SMOC1: variants seen among roughly 807,000 people sequenced by gnomAD.
SMOC1 encodes SPARC-related modular calcium-binding protein 1.
SMOC1 carries 22 observed loss-of-function variants against 56.3 expected under a neutral mutation model. The ratio of observed to expected loss-of-function variants is 0.39; its 90% CI spans 0.28 to 0.56. The LOEUF (loss-of-function observed/expected upper bound fraction) is 0.56. Among genes scored for constraint, SMOC1 ranks in the 20% least tolerant of loss-of-function variants. The pLI, the probability that SMOC1 is intolerant of heterozygous loss-of-function variation, is 0.61. For missense variants in SMOC1, 509 were observed against 565.4 expected, an observed-to-expected ratio of 0.90 and a Z score of 1.01; for synonymous variants, 193 against 215.0, an observed-to-expected ratio of 0.90 and a Z score of 0.89.
chr14:69,977,828 C>A, intron 4 of SMOC1, 90 bp from the exon 5 acceptor site: 3 of 953,584 alleles, frequency 3.1e-6, no homozygotes, highest in Non-Finnish European at 5.2e-6. Flanking sequence ...TGACCATATG[C>A]TCATAACATC....
chr14:69,986,644 G>A (rs959449043), intron 5 of SMOC1, among the ~76,000 whole-genome samples: 3 of 152,078 alleles, frequency 2.0e-5, no homozygotes, highest in Non-Finnish European at 4.4e-5. Flanking sequence ...AACATTAGCC[G>A]AGTCTTCTGT....
At chr14:69,992,728 A>G (rs1436596636) in intron 6 of SMOC1, among the ~76,000 whole-genome samples, 2 of 152,128 alleles carry the variant, frequency 1.3e-5, no homozygotes, top group East Asian at 1.9e-4. Context: ...TCCAACAATA[A>G]CACAGCCTGG....
At chr14:70,025,222 T>C (rs986880461) in intron 11 of SMOC1, among the ~76,000 whole-genome samples, 2 of 152,198 alleles carry the variant, frequency 1.3e-5, no homozygotes, top group Non-Finnish European at 2.9e-5. Context: ...TGCCGACTTA[T>C]TTGAAATGGA....
At position 69,898,150 on chromosome 14, in the gene SMOC1, C is replaced by T. The variant is rs183082846; in HGVS notation, c.99+18373C>T. ...TTCTGAGGATAAGTTGGATATAATT[C>T]TTATCTTTGCTCTTCTATACATAAG... is the stretch of plus-strand genomic sequence containing the variant. On this transcript the variant is annotated intron_variant, in intron 1 of 11. Transcript: ENST00000361956. 3.5e-3 allele frequency among the ~76,000 whole-genome samples: 527 copies of T among 152,250 alleles called. 1 individual carries two copies. Among genetic ancestry groups the T allele is most frequent in the African/African-American group, 0.012 (500 of 41,570 alleles).
chr14:69,964,440 C>T (rs1029143796), intron 3 of SMOC1, among the ~76,000 whole-genome samples: 11 of 150,544 alleles, frequency 7.3e-5, no homozygotes, highest in East Asian at 3.9e-4. Context: ...TGTAGTGGCG[C>T]GATCTTGGCT....
chr14:69,957,168 A>G (rs926706676), intron 3 of SMOC1, among the ~76,000 whole-genome samples: 3 of 152,174 alleles, frequency 2.0e-5, no homozygotes, highest in African/African-American at 4.8e-5. Context: ...CTGGTGCCCA[A>G]GCTGATTAAC....
chr14:69,893,076 C>T (rs1418870022), intron 1 of SMOC1, among the ~76,000 whole-genome samples: 1 of 152,176 alleles, frequency 6.6e-6, no homozygotes, highest in Non-Finnish European at 1.5e-5. Context: ...TTGCTGCCTG[C>T]ATTTCTTTTG....
intron 11 of SMOC1, 64 bp from the exon 12 acceptor site, chr14:70,030,178 T>G (rs2139632446): frequency 6.2e-7 from 1 of 1,607,250 alleles, no homozygotes; most frequent in South Asian, 1.1e-5. Flanking sequence ...CAACTCTAAC[T>G]TCTTGCTTAT....
rs1427166809 is a variant in SMOC1 at position 69,994,461 on chromosome 14, C to T, written c.645C>T (p.Asn215=). 2 of 1,613,454 alleles carry T rather than the reference C, an allele frequency of 1.2e-6. No individual in the cohort carries two copies. The highest frequency in any genetic ancestry group is 1.7e-5 in the Admixed American group (1 of 60,020). The part of the protein sequence containing the change: ...HLVIKDSKLN[N]TNIRNSEKVY... ...TGATCAAGGACTCCAAACTGAACAACACCAACATAAGAAATTCAGGTAAAT... is the reference window on the plus strand; with the variant it reads ...TGATCAAGGACTCCAAACTGAACAATACCAACATAAGAAATTCAGGTAAAT... The change falls in exon 7 of 12, where the codon AAC becomes AAT. Residue 215 remains asparagine (N), a synonymous_variant. Transcript: ENST00000361956.
intron 7 of SMOC1, among the ~76,000 whole-genome samples, chr14:69,999,971 T>C (rs1170269653): frequency 8.2e-6 from 1 of 122,688 alleles, no homozygotes; most frequent in Non-Finnish European, 2.0e-5. Context: ...GTGTGTCTGC[T>C]TTTTAATGTT....
chr14:70,030,356 G>C lies in SMOC1; in HGVS notation c.*98G>C, dbSNP rs1004676638. ...GTTGCCCATGGCCCTGCCACATCCC[G>C]TGTAACATAAGTGGTGCCCACCATG... On this transcript the variant is annotated 3_prime_UTR_variant, in exon 12 of 12. Transcript: ENST00000361956. The C allele has an allele frequency of 1.4e-6, 2 of 1,469,300 alleles. No homozygotes were observed. The highest frequency in any genetic ancestry group is 2.3e-5 in the East Asian group (1 of 44,132). 91.0% of individuals were successfully genotyped at this position (1,469,300 alleles called of 1,614,324 possible).
rs574346510 is a variant in SMOC1, at chr14:69,975,378, T to C, written c.379-337T>C. 5.9e-4 allele frequency among the ~76,000 whole-genome samples: 90 copies of C among 152,256 alleles called. 1 individual carries two copies. The South Asian group carries it at 7.5e-3, about 13-fold the overall frequency. ...TGGGTTAGAATTTTTTACAGTTGGATGGGAGCGTATGCCAGTGCTAGAGAA... is the reference window on the plus strand; with the variant it reads ...TGGGTTAGAATTTTTTACAGTTGGACGGGAGCGTATGCCAGTGCTAGAGAA... On this transcript the variant is annotated intron_variant, in intron 3 of 11. Transcript: ENST00000361956.
chr14:69,952,384 GC>G, intron 2 of SMOC1, 81 bp downstream of exon 2: 1 of 1,552,300 alleles, frequency 6.4e-7, no homozygotes, highest in Middle Eastern at 2.2e-4. Context: ...CAACAGGGAA[GC>G]TTGGAGTAAG....
intron 10 of SMOC1, among the ~76,000 whole-genome samples, chr14:70,019,380 T>C (rs1480892407): frequency 6.6e-6 from 1 of 152,240 alleles, no homozygotes; most frequent in Non-Finnish European, 1.5e-5. Context: ...AACTTGGATA[T>C]TGTACCTACC....
intron 1 of SMOC1, among the ~76,000 whole-genome samples, chr14:69,883,888 C>CTTTTTT (rs1566659816): frequency 3.4e-5 from 2 of 59,174 alleles, no homozygotes; most frequent in African/African-American, 1.6e-4. Flanking sequence ...TGATGTTGAG[C>CTTTTTT]ATTTTTTTTT....
intron 1 of SMOC1, among the ~76,000 whole-genome samples, chr14:69,903,282 AGGTGAG>A (rs1884305228): frequency 6.6e-6 from 1 of 151,210 alleles, no homozygotes; most frequent in Non-Finnish European, 1.5e-5. Context: ...CCCCTCTGGG[AGGTGAG>A]AAGCGTCTCT....
At chr14:69,942,116 A>G (rs1882588049) in intron 1 of SMOC1, among the ~76,000 whole-genome samples, 1 of 151,898 alleles carries the variant, frequency 6.6e-6, no homozygotes, top group African/African-American at 2.4e-5. Flanking sequence ...CCATTTTCCC[A>G]TATCCTATCT....
intron 7 of SMOC1, among the ~76,000 whole-genome samples, chr14:70,001,858 A>AG (rs1884981257): frequency 6.6e-6 from 1 of 152,250 alleles, no homozygotes; most frequent in African/African-American, 2.4e-5. Flanking sequence ...AGAGAAAACA[A>AG]GGGGTAGAGC....
At chr14:69,971,375 A>G (rs1224860407) in intron 3 of SMOC1, among the ~76,000 whole-genome samples, 2 of 152,172 alleles carry the variant, frequency 1.3e-5, no homozygotes, top group African/African-American at 4.8e-5. Context: ...AGGTAACCTC[A>G]CTTAGGTTGA....
Sources: gnomAD v4.1 joint callset for allele counts (sites outside exome capture counted in the v4.1 genomes callset) on GRCh38, gnomAD v4.1.1 for gene constraint, MANE v1.5 for transcripts, NCBI Gene and HGNC (gene_info 2026-07-23, HGNC 2026-07-21) for gene names.